Variants in AGL observed in about 807,000 individuals in gnomAD.
AGL encodes the protein glycogen debranching enzyme.
In AGL, 128 loss-of-function variants were observed where a neutral mutation model predicts 199.3. The observed-to-expected ratio is 0.64, with a 90% CI of 0.56 to 0.74. The LOEUF (loss-of-function observed/expected upper bound fraction) is 0.74. AGL is among the 30% of genes least tolerant of loss of function. The pLI, the probability that AGL is intolerant of heterozygous loss-of-function variation, is 0.00. For missense variants in AGL, 1,809 were observed against 1,820.8 expected (o/e 0.99, Z 0.12); for synonymous variants, 584 against 594.7 (o/e 0.98, Z 0.26).
intron 11 of AGL, 27 bp from the exon 12 acceptor site, chr1:99,877,614 A>C (rs367658082): frequency 6.2e-7 from 1 of 1,609,042 alleles, no homozygotes; most frequent in Non-Finnish European, 8.5e-7. Flanking sequence ...TTCTTGAACC[A>C]TTGAAAGCAA....
intron 2 of AGL, chr1:99,852,786 T>TA (rs1649088620): frequency 1.3e-6 from 1 of 771,764 alleles, no homozygotes. Context: ...TTTTTTGTGA[T>TA]AAAGCCCTAA....
intron 27 of AGL, among the ~76,000 whole-genome samples, chr1:99,905,396 G>C (rs1359235418): frequency 6.6e-6 from 1 of 152,016 alleles, no homozygotes; most frequent in African/African-American, 2.4e-5. Flanking sequence ...TGTTGTTGTT[G>C]TTGTTGTTGT....
chr1:99,923,487 T>C lies in AGL; in HGVS notation c.*1836T>C, dbSNP rs1391283008. On this transcript the variant is annotated 3_prime_UTR_variant, in exon 34 of 34. Coordinates refer to ENST00000361915, the MANE Select transcript of AGL (RefSeq NM_000642.3). Reference sequence around the variant, plus strand: ...TTTAATGTAGCCATTTGGGGTTATCTCTAGTAAGGCAGATACCCACGTTGG... The same window carrying C: ...TTTAATGTAGCCATTTGGGGTTATCCCTAGTAAGGCAGATACCCACGTTGG... The C allele has an allele frequency of 6.6e-6, 1 of 152,196 alleles. No homozygotes were observed. Among genetic ancestry groups the C allele is most frequent in the Non-Finnish European group, 1.5e-5 (1 of 68,030 alleles). The allele number at this position is 152,196 out of a possible 1,614,324, so 9.4% of individuals were successfully genotyped here. A position where few individuals can be genotyped will look rare whatever the true frequency, so the allele number is the denominator to read the frequency against.
chr1:99,857,090 C>T (rs1311808673), intron 2 of AGL, among the ~76,000 whole-genome samples: 4 of 151,550 alleles, frequency 2.6e-5, no homozygotes, highest in African/African-American at 4.8e-5. Flanking sequence ...ACCTCCCTCC[C>T]GGACGGGGCG....
Position 99,890,651 on chromosome 1 carries a change from AT to A in AGL, c.2813-568del, listed in dbSNP as rs66702356. On this transcript the variant is annotated intron_variant, in intron 21 of 33. Transcript: ENST00000361915. ...GACTAGAAGGATTAAGAAAAAAAAA[AT>A]ATATATATATATACCTCATTTTGAT... 5.4e-4 allele frequency among the ~76,000 whole-genome samples: 30 copies of A among 55,064 alleles called. 1 individual carries two copies. The highest frequency in any genetic ancestry group is 1.2e-3 in the Admixed American group (5 of 4,230). 36.1% of individuals were successfully genotyped at this position (55,064 alleles called of 152,430 possible).
chr1:99,860,407 C>A (rs975248465), intron 2 of AGL, among the ~76,000 whole-genome samples: 2 of 151,974 alleles, frequency 1.3e-5, no homozygotes, highest in East Asian at 3.9e-4. Context: ...AAGTTATATT[C>A]GTGTTTAAAA....
chr1:99,852,832 A>G (rs1649092632), intron 2 of AGL: 1 of 728,062 alleles, frequency 1.4e-6, no homozygotes, highest in South Asian at 1.4e-5. Context: ...CACTCCATGT[A>G]TTCCCACCCT....
At chr1:99,908,328 A>C (rs977481655) in intron 27 of AGL, among the ~76,000 whole-genome samples, 2 of 152,120 alleles carry the variant, frequency 1.3e-5, no homozygotes, top group African/African-American at 4.8e-5. Flanking sequence ...ATTTGACTGC[A>C]TATACAGGGT....
chr1:99,881,137 G>A lies in AGL; in HGVS notation c.1961G>A (p.Ser654Asn), dbSNP rs1452866725. 1 of 1,613,986 alleles carries A rather than the reference G, an allele frequency of 6.2e-7. No individual in the cohort carries two copies. Among genetic ancestry groups the A allele is most frequent in the East Asian group, 2.2e-5 (1 of 44,858 alleles). The change falls in exon 15 of 34, where the codon AGT (serine) becomes AAT (asparagine). Residue 654 changes from serine (S) to asparagine (N), a missense_variant. By Grantham distance (46) the Ser-to-Asn change is conservative. Coordinates refer to ENST00000361915, the MANE Select transcript of AGL (RefSeq NM_000642.3). Reference protein sequence around the residue: ...TTIVSMACCASGSTRGYDELV... With the variant: ...TTIVSMACCANGSTRGYDELV... ...ATTGTTTCTATGGCATGTTGTGCTA[G>A]TGGAAGTACAAGAGGCTATGATGAA... is the stretch of plus-strand genomic sequence containing the variant.
At chr1:99,915,683 A>G (rs904509877) in intron 31 of AGL, among the ~76,000 whole-genome samples, 197 bp downstream of exon 31, 3 of 151,992 alleles carry the variant, frequency 2.0e-5, no homozygotes, top group Non-Finnish European at 2.9e-5. Flanking sequence ...AGGCAGGAGT[A>G]TCACTTGAGC....
At chr1:99,908,493 G>A (rs1481764134) in intron 27 of AGL, among the ~76,000 whole-genome samples, 1 of 152,036 alleles carries the variant, frequency 6.6e-6, no homozygotes. Context: ...GCTATTCAAG[G>A]TCCCTGGAGA....
Position 99,880,751 on chromosome 1 carries a change from G to C in AGL, c.1855G>C (p.Ala619Pro). The C allele has an allele frequency of 6.2e-7, 1 of 1,613,990 alleles. No homozygotes were observed. ...LRPLMPAIAH[A>P]LFMDITHDNE... Reference sequence around the variant, plus strand: ...GCCTTTAATGCCAGCTATTGCACATGCCCTGTTTATGGATATTACGCATGA... The same window carrying C: ...GCCTTTAATGCCAGCTATTGCACATCCCCTGTTTATGGATATTACGCATGA... Residue 619 changes from alanine (A) to proline (P), a missense_variant, in exon 14 of 34, where the codon GCC becomes CCC. Ala to Pro is a conservative substitution (Grantham distance 27). Transcript: ENST00000361915.
chr1:99,851,180 T>G, intron 2 of AGL, 56 bp downstream of exon 2: 1 of 1,404,812 alleles, frequency 7.1e-7, no homozygotes, highest in South Asian at 1.2e-5. Flanking sequence ...TTTTAATTCA[T>G]TGGCAGTCCT....
At chr1:99,917,420 G>T (rs1422258805) in intron 33 of AGL, among the ~76,000 whole-genome samples, 1 of 152,174 alleles carries the variant, frequency 6.6e-6, no homozygotes, top group Non-Finnish European at 1.5e-5. Flanking sequence ...CCATGGTACA[G>T]ATTTTACCAT....
In AGL at chr1:99,863,517, A is replaced by G. The variant is rs116200966; in HGVS notation, c.461-869A>G. Among the ~76,000 whole-genome samples, 875 of 152,172 alleles carry G rather than the reference A, an allele frequency of 5.8e-3. 10 individuals carry two copies. Among genetic ancestry groups the G allele is most frequent in the African/African-American group, 0.02 (845 of 41,538 alleles). On this transcript the variant is annotated intron_variant, in intron 4 of 33. Transcript: ENST00000361915. The stretch of plus-strand genomic sequence containing the variant: ...GAAACTTGTGTTTCATTTTGGCGCA[A>G]TCTCGGCTCACTGCAAGCTCCGCCT...
At position 99,851,448 on chromosome 1, in the gene AGL, G is replaced by A. The variant is rs568267804; in HGVS notation, c.82+324G>A. 6.6e-5 allele frequency among the ~76,000 whole-genome samples: 10 copies of A among 152,158 alleles called. No individual in the cohort carries two copies. The South Asian group carries it at 1.0e-3, about 16-fold the overall frequency. On this transcript the variant is annotated intron_variant, in intron 2 of 33. Transcript: ENST00000361915. ...CTAATAACATTTACTATTAAAACTT[G>A]GTAAATTACTTCATATGTAATTTTG... is the stretch of plus-strand genomic sequence containing the variant.
chr1:99,864,087 T>C (rs918977650), intron 4 of AGL, among the ~76,000 whole-genome samples: 4 of 152,218 alleles, frequency 2.6e-5, no homozygotes, highest in African/African-American at 9.6e-5. Flanking sequence ...AAGATAAATT[T>C]ACTACATGTT....
intron 5 of AGL, among the ~76,000 whole-genome samples, chr1:99,865,473 G>A (rs1306972892): frequency 6.6e-6 from 1 of 152,188 alleles, no homozygotes; most frequent in African/African-American, 2.4e-5. Context: ...ATTCCTTAGT[G>A]GTATATAATT....
At chr1:99,886,890 T>C (rs1263941310) in intron 20 of AGL, among the ~76,000 whole-genome samples, 1 of 152,240 alleles carries the variant, frequency 6.6e-6, no homozygotes, top group African/African-American at 2.4e-5. Flanking sequence ...GGACTGCTTG[T>C]AAAATGCATG....
Sources: allele counts gnomAD v4.1 joint callset (sites outside exome capture counted in the v4.1 genomes callset), GRCh38; gene constraint gnomAD v4.1.1; transcripts MANE v1.5; gene names NCBI Gene and HGNC (gene_info 2026-07-23, HGNC 2026-07-21).